The following VWA3B variants were observed in gnomAD, a reference collection of about 807,000 sequenced individuals.
The protein encoded by VWA3B is von Willebrand factor A domain containing 3B.
VWA3B carries 138 observed loss-of-function variants against 158.3 expected under a neutral mutation model. The observed-to-expected ratio is 0.87, with a 90% CI of 0.76 to 1.00. The LOEUF (loss-of-function observed/expected upper bound fraction) is 1.00. Ranked by LOEUF, VWA3B falls within the 50% of genes least tolerant of loss-of-function variation. The pLI is 0.00. For synonymous variants in VWA3B, 596 were observed against 587.3 expected, an observed-to-expected ratio of 1.01 and a Z score of -0.21; for missense variants, 1,555 against 1,565.1, an observed-to-expected ratio of 0.99 and a Z score of 0.11.
chr2:98,141,328 T>G (rs377043591), intron 7 of VWA3B, among the ~76,000 whole-genome samples: 1 of 152,202 alleles, frequency 6.6e-6, no homozygotes, highest in Non-Finnish European at 1.5e-5. Flanking sequence ...CTGCAGGCTG[T>G]GCAAGCAGGG....
chr2:98,112,281 G>GGTGT (rs61436618), intron 2 of VWA3B, among the ~76,000 whole-genome samples: 2 of 148,386 alleles, frequency 1.3e-5, no homozygotes, highest in South Asian at 4.3e-4. Context: ...GTCTGTTTGG[G>GGTGT]GTGTGTGTGT....
intron 5 of VWA3B, among the ~76,000 whole-genome samples, 199 bp downstream of exon 5, chr2:98,121,657 C>T (rs776992630): frequency 3.0e-4 from 45 of 152,134 alleles, no homozygotes; most frequent in Non-Finnish European, 5.3e-4. Flanking sequence ...GTCTCCTGAA[C>T]CTGGCTAGGC....
chr2:98,329,984 A>G, the VWA3B span, among the ~76,000 whole-genome samples: 1 of 152,148 alleles, frequency 6.6e-6, no homozygotes, highest in Non-Finnish European at 1.5e-5. Flanking sequence ...AGGAAATGCT[A>G]CCAGAGAGGC....
At chr2:98,112,851 CTT>C (rs1674249676) in intron 2 of VWA3B, among the ~76,000 whole-genome samples, 2 of 151,678 alleles carry the variant, frequency 1.3e-5, no homozygotes. Context: ...TTTTTTTTCT[CTT>C]TGTTTATCAG....
At position 98,193,007 on chromosome 2, in the gene VWA3B, G is replaced by A; in HGVS notation, c.1576G>A (p.Val526Met). ...SHSMKSKLDL[V>M]KDKIIQFIQE... ...CTCAATGAAGAGCAAACTGGACTTG[G>A]TGAAGGACAAGATCATTCAGTTCAT... Residue 526 changes from valine (V) to methionine (M), a missense_variant, in exon 11 of 28, where the codon GTG (valine) becomes ATG (methionine). Physicochemically the swap from Val to Met is conservative, Grantham distance 21. Coordinates refer to ENST00000477737, the MANE Select transcript of VWA3B (RefSeq NM_144992.5). The A allele has an allele frequency of 6.2e-7, 1 of 1,614,020 alleles. No individual in the cohort carries two copies. Among genetic ancestry groups the A allele is most frequent in the East Asian group, 2.2e-5 (1 of 44,884 alleles).
At chr2:98,267,083 G>T (rs1186180223) in intron 21 of VWA3B, among the ~76,000 whole-genome samples, 1 of 151,760 alleles carries the variant, frequency 6.6e-6, no homozygotes, top group Non-Finnish European at 1.5e-5. Flanking sequence ...CCAACACTAT[G>T]TTGAATAGGA....
At chr2:98,113,383 T>A (rs1187033610) in intron 2 of VWA3B, among the ~76,000 whole-genome samples, 7 of 152,118 alleles carry the variant, frequency 4.6e-5, no homozygotes, top group Non-Finnish European at 1.0e-4. Context: ...GTTGGCCCTC[T>A]GTATGAGTGG....
intron 6 of VWA3B, among the ~76,000 whole-genome samples, chr2:98,131,244 T>G (rs6543298): frequency 0.21 from 31,311 of 152,206 alleles, 4,313 homozygotes; most frequent in African/African-American, 0.4. Flanking sequence ...CGTAATATAA[T>G]GACCTCCAGT....
intron 22 of VWA3B, among the ~76,000 whole-genome samples, chr2:98,279,194 A>C (rs961263285): frequency 6.6e-6 from 1 of 152,170 alleles, no homozygotes; most frequent in African/African-American, 2.4e-5. Context: ...TCACTGGAGG[A>C]AACTGAAAGA....
chr2:98,304,706 C>T (rs757854873), intron 26 of VWA3B, among the ~76,000 whole-genome samples: 5 of 152,112 alleles, frequency 3.3e-5, no homozygotes, highest in African/African-American at 4.8e-5. Flanking sequence ...TCCACTGCCT[C>T]GGGTCCTGGA....
intron 8 of VWA3B, among the ~76,000 whole-genome samples, 167 bp downstream of exon 8, chr2:98,163,143 G>C (rs960877766): frequency 6.6e-6 from 1 of 152,110 alleles, no homozygotes; most frequent in Non-Finnish European, 1.5e-5. Flanking sequence ...GGAGGGGGCT[G>C]AACACACATG....
chr2:98,323,925 T>C, the VWA3B span, among the ~76,000 whole-genome samples: 18 of 152,206 alleles, frequency 1.2e-4, no homozygotes, highest in African/African-American at 4.3e-4. Context: ...GATTCTGATG[T>C]GGTGAGCATC....
rs1173872979 is a variant in VWA3B at position 98,188,091 on chromosome 2, TGA to T, written c.1433_1434del (p.Arg478AsnfsTer13). 6.2e-7 allele frequency: 1 copy of T among 1,613,796 alleles called. No homozygotes were observed. The highest frequency in any genetic ancestry group is 8.5e-7 in the Non-Finnish European group (1 of 1,179,894). On this transcript the variant is annotated frameshift_variant, in exon 10 of 28. Coordinates refer to ENST00000477737, the MANE Select transcript of VWA3B (RefSeq NM_144992.5). LOFTEE classifies it high-confidence loss of function. Reference sequence around the variant, plus strand: ...CCAAAGAGAAGTGCAAGTGGTACAGTGAGAGAATCCACACAGCCCTGGCCCGG... The same window carrying T: ...CCAAAGAGAAGTGCAAGTGGTACAGTGAGAATCCACACAGCCCTGGCCCGG... ...ITKEKCKWYS[E>X]RIHTALARIR...
intron 24 of VWA3B, among the ~76,000 whole-genome samples, chr2:98,298,902 G>A (rs548651629): frequency 6.6e-6 from 1 of 152,312 alleles, no homozygotes; most frequent in East Asian, 1.9e-4. Context: ...TAAAGGCTGA[G>A]GTGAATTAGT....
chr2:98,151,093 A>G (rs1348728652), intron 7 of VWA3B, among the ~76,000 whole-genome samples: 1 of 151,982 alleles, frequency 6.6e-6, no homozygotes, highest in Non-Finnish European at 1.5e-5. Flanking sequence ...ATTAACATGG[A>G]ATGGACTCTC....
intron 6 of VWA3B, among the ~76,000 whole-genome samples, chr2:98,131,788 C>T (rs1007501546): frequency 6.6e-6 from 1 of 152,290 alleles, no homozygotes. Flanking sequence ...TTTCCCATCA[C>T]TTTGCATAAT....
chr2:98,189,176 A>C (rs1681371851), intron 10 of VWA3B, among the ~76,000 whole-genome samples: 1 of 152,172 alleles, frequency 6.6e-6, no homozygotes, highest in Admixed American at 6.5e-5. Flanking sequence ...TGGGAGGCCA[A>C]GGGGGTGGAT....
At chr2:98,182,936 G>T (rs1217947594) in intron 9 of VWA3B, among the ~76,000 whole-genome samples, 2 of 152,048 alleles carry the variant, frequency 1.3e-5, no homozygotes, top group Admixed American at 6.6e-5. Flanking sequence ...AAATACATTA[G>T]ATTCTGGATA....
At chr2:98,262,554 C>T (rs1450790430) in intron 21 of VWA3B, among the ~76,000 whole-genome samples, 1 of 151,538 alleles carries the variant, frequency 6.6e-6, no homozygotes, top group East Asian at 1.9e-4. Context: ...GTCTTGGCAC[C>T]CTTGTCAAAA....
Sources: gnomAD v4.1 joint callset for allele counts (sites outside exome capture counted in the v4.1 genomes callset) on GRCh38, gnomAD v4.1.1 for gene constraint, MANE v1.5 for transcripts, NCBI Gene and HGNC (gene_info 2026-07-23, HGNC 2026-07-21) for gene names.